ATRNL1: variants seen among roughly 807,000 people sequenced by gnomAD.
ATRNL1 encodes the protein attractin-like protein 1.
Under a neutral mutation model 182.7 loss-of-function variants are expected in ATRNL1, and 95 were observed. The ratio of observed to expected loss-of-function variants is 0.52; its 90% CI spans 0.44 to 0.62. The LOEUF (loss-of-function observed/expected upper bound fraction) is 0.62, where lower values mean the gene tolerates loss of function less well. Ranked by LOEUF, ATRNL1 falls within the 20% of genes least tolerant of loss-of-function variation. ATRNL1 has a pLI of 0.00. For synonymous variants in ATRNL1, 576 were observed against 568.3 expected, an observed-to-expected ratio of 1.01 and a Z score of -0.19; for missense variants, 1,471 against 1,679.5, an observed-to-expected ratio of 0.88 and a Z score of 2.17.
chr10:115,593,835 C>A (rs937867250), intron 26 of ATRNL1, among the ~76,000 whole-genome samples: 2 of 152,072 alleles, frequency 1.3e-5, no homozygotes, highest in African/African-American at 4.8e-5. Context: ...ATTTTGCTTA[C>A]ACTTATTATC....
rs112198113 is a variant in ATRNL1 at position 115,340,906 on chromosome 10, T to C, written c.3175+6487T>C. ...TCCTTTCTGATTGAATTTTTTTGTG[T>C]GTCTTCTCTGTTTTTTCTTAGTTTG... On this transcript the variant is annotated intron_variant, in intron 19 of 28. Coordinates refer to ENST00000355044, the MANE Select transcript of ATRNL1 (RefSeq NM_207303.4). Among the ~76,000 whole-genome samples, 764 of 152,130 alleles carry C rather than the reference T, an allele frequency of 5.0e-3. 5 individuals are homozygous for C. The highest frequency in any genetic ancestry group is 0.016 in the African/African-American group (675 of 41,540).
At chr10:115,832,862 C>G (rs1324199961) in intron 27 of ATRNL1, among the ~76,000 whole-genome samples, 1 of 152,104 alleles carries the variant, frequency 6.6e-6, no homozygotes, top group Non-Finnish European at 1.5e-5. Context: ...CCTGCCCCAG[C>G]TCTGACAAGA....
intron 28 of ATRNL1, among the ~76,000 whole-genome samples, chr10:115,878,988 A>G (rs1387247978): frequency 6.6e-6 from 1 of 152,190 alleles, no homozygotes; most frequent in Non-Finnish European, 1.5e-5. Flanking sequence ...ATGGCATCAC[A>G]TATATGTTGC....
At chr10:115,584,833 G>A (rs1286098482) in intron 26 of ATRNL1, among the ~76,000 whole-genome samples, 1 of 151,512 alleles carries the variant, frequency 6.6e-6, no homozygotes, top group Non-Finnish European at 1.5e-5. Context: ...TCTTTTAATT[G>A]TGATGTTAGG....
chr10:115,828,125 C>T (rs1950479356), intron 27 of ATRNL1, among the ~76,000 whole-genome samples: 1 of 152,150 alleles, frequency 6.6e-6, no homozygotes, highest in Admixed American at 6.6e-5. Context: ...CGATACCAGC[C>T]TGACCAACAT....
chr10:115,143,558 A>T (rs557876378), intron 5 of ATRNL1, among the ~76,000 whole-genome samples: 1 of 152,192 alleles, frequency 6.6e-6, no homozygotes, highest in African/African-American at 2.4e-5. Flanking sequence ...TATTCCTCAC[A>T]GTTCTGGAGA....
chr10:115,354,530 A>C (rs373371240), intron 19 of ATRNL1, among the ~76,000 whole-genome samples: 1 of 151,310 alleles, frequency 6.6e-6, no homozygotes, highest in South Asian at 2.1e-4. Context: ...TGGTCTATAA[A>C]CTCCCCACTG....
intron 15 of ATRNL1, among the ~76,000 whole-genome samples, chr10:115,288,676 C>T (rs1852748027): frequency 6.6e-6 from 1 of 152,008 alleles, no homozygotes; most frequent in Non-Finnish European, 1.5e-5. Context: ...CGTGTGCCAC[C>T]ACGCCCAGCT....
At chr10:115,848,809 A>C (rs1950988668) in intron 28 of ATRNL1, among the ~76,000 whole-genome samples, 1 of 152,186 alleles carries the variant, frequency 6.6e-6, no homozygotes, top group Non-Finnish European at 1.5e-5. Context: ...CCACTACTGG[A>C]ATGAATGCTT....
At chr10:115,748,131 C>G (rs1948345695) in intron 27 of ATRNL1, among the ~76,000 whole-genome samples, 2 of 151,954 alleles carry the variant, frequency 1.3e-5, no homozygotes, top group South Asian at 2.1e-4. Context: ...ATCTACTGGC[C>G]TTGCTAGTGA....
intron 24 of ATRNL1, among the ~76,000 whole-genome samples, chr10:115,480,193 A>G (rs971163754): frequency 3.6e-5 from 5 of 140,222 alleles, no homozygotes; most frequent in Non-Finnish European, 7.9e-5. Flanking sequence ...TTTTCAACAT[A>G]GATGAGTCAT....
chr10:115,480,353 T>A (rs1345166967), intron 24 of ATRNL1, among the ~76,000 whole-genome samples: 3 of 151,196 alleles, frequency 2.0e-5, no homozygotes, highest in African/African-American at 4.8e-5. Context: ...ATATATATAT[T>A]TTTTAAATTG....
chr10:115,764,518 A>G (rs1271873822), intron 27 of ATRNL1, among the ~76,000 whole-genome samples: 1 of 152,116 alleles, frequency 6.6e-6, no homozygotes, highest in East Asian at 1.9e-4. Context: ...TGATCTTTTT[A>G]CTGTCTCCAT....
intron 27 of ATRNL1, among the ~76,000 whole-genome samples, chr10:115,838,471 G>A (rs1342216105): frequency 6.6e-6 from 1 of 152,148 alleles, no homozygotes; most frequent in Non-Finnish European, 1.5e-5. Context: ...CACTGATGGG[G>A]TTTACAGAAA....
At chr10:115,631,103 G>T (rs1202832183) in intron 26 of ATRNL1, among the ~76,000 whole-genome samples, 1 of 151,802 alleles carries the variant, frequency 6.6e-6, no homozygotes, top group Non-Finnish European at 1.5e-5. Context: ...TTGGTCAAAT[G>T]GTACAACGTT....
chr10:115,619,640 C>T (rs1857617753), intron 26 of ATRNL1, among the ~76,000 whole-genome samples: 1 of 152,218 alleles, frequency 6.6e-6, no homozygotes. Context: ...TTTTAAACTT[C>T]ATGTTTAACC....
intron 8 of ATRNL1, among the ~76,000 whole-genome samples, chr10:115,213,821 A>C (rs539184034): frequency 2.0e-4 from 31 of 152,256 alleles, no homozygotes; most frequent in African/African-American, 7.5e-4. Flanking sequence ...TTAGAGAATG[A>C]TGCTGCTGTT....
At chr10:115,404,554 G>A (rs1276077783) in intron 20 of ATRNL1, among the ~76,000 whole-genome samples, 1 of 152,220 alleles carries the variant, frequency 6.6e-6, no homozygotes, top group Non-Finnish European at 1.5e-5. Context: ...GTGTCTTCAA[G>A]CTGGAATCAA....
chr10:115,400,328 C>A (rs1442205907), intron 20 of ATRNL1, among the ~76,000 whole-genome samples: 2 of 152,004 alleles, frequency 1.3e-5, no homozygotes, highest in Non-Finnish European at 2.9e-5. Context: ...GATTTCAGTT[C>A]TTTTGCATTT....
Sources: gnomAD v4.1 joint callset for allele counts (sites outside exome capture counted in the v4.1 genomes callset) on GRCh38, gnomAD v4.1.1 for gene constraint, MANE v1.5 for transcripts, NCBI Gene and HGNC (gene_info 2026-07-23, HGNC 2026-07-21) for gene names.